ARHGEF4: variants seen among roughly 807,000 people sequenced by gnomAD.
ARHGEF4 encodes the protein Rho guanine nucleotide exchange factor 4.
A neutral mutation model predicts 162.0 loss-of-function variants in ARHGEF4; 119 were observed. That is an observed-to-expected ratio of 0.73 (90% confidence interval 0.63 to 0.86). The LOEUF (loss-of-function observed/expected upper bound fraction) is 0.86. Ranked by LOEUF, ARHGEF4 falls within the 40% of genes least tolerant of loss-of-function variation. The pLI is 0.00. For missense variants in ARHGEF4, 2,488 were observed against 2,456.0 expected (o/e 1.01, Z -0.28); for synonymous variants, 1,014 against 979.9 (o/e 1.03, Z -0.65).
intron 4 of ARHGEF4, among the ~76,000 whole-genome samples, chr2:130,998,821 G>C (rs780164190): frequency 3.9e-5 from 6 of 152,184 alleles, no homozygotes; most frequent in Non-Finnish European, 8.8e-5. Context: ...ACTCGTTTGG[G>C]TAAATACCAA....
chr2:131,035,117 G>A (rs1690151096), intron 5 of ARHGEF4: 51 of 1,145,868 alleles, frequency 4.5e-5, no homozygotes, highest in Non-Finnish European at 5.4e-5. Context: ...CAGCCCCGGC[G>A]CGGCCCCGCG....
intron 1 of ARHGEF4, among the ~76,000 whole-genome samples, chr2:130,846,082 GC>G (rs1468168127): frequency 6.6e-6 from 1 of 152,216 alleles, no homozygotes; most frequent in Admixed American, 6.5e-5. Flanking sequence ...CGGCCAGAAG[GC>G]AGCCATCTCT....
At chr2:130,898,178 C>G (rs1227815777) in intron 1 of ARHGEF4, among the ~76,000 whole-genome samples, 1 of 152,236 alleles carries the variant, frequency 6.6e-6, no homozygotes, top group Non-Finnish European at 1.5e-5. Context: ...GGCTAGAGCC[C>G]TCTCTGGGCA....
intron 1 of ARHGEF4, among the ~76,000 whole-genome samples, chr2:130,875,452 G>C (rs1041142520): frequency 6.6e-6 from 1 of 152,170 alleles, no homozygotes; most frequent in Non-Finnish European, 1.5e-5. Context: ...AGCCACGTCT[G>C]CTTGGCTTCA....
chr2:130,889,052 C>T (rs181397725), intron 1 of ARHGEF4, among the ~76,000 whole-genome samples: 8 of 150,440 alleles, frequency 5.3e-5, no homozygotes, highest in African/African-American at 9.8e-5. Flanking sequence ...TTGCAGTGAG[C>T]GGAGATCATG....
intron 3 of ARHGEF4, 36 bp downstream of exon 3, chr2:130,931,293 T>A: frequency 6.5e-7 from 1 of 1,548,916 alleles, no homozygotes; most frequent in Non-Finnish European, 8.7e-7. Context: ...TCAGACTTGG[T>A]CTGGTATCCC....
chr2:130,938,367 G>T (rs1454530799), intron 3 of ARHGEF4, among the ~76,000 whole-genome samples: 1 of 152,160 alleles, frequency 6.6e-6, no homozygotes. Context: ...TACCATAATA[G>T]TAATAGTGGT....
intron 4 of ARHGEF4, among the ~76,000 whole-genome samples, chr2:130,989,123 G>A (rs1250249448): frequency 5.3e-5 from 8 of 151,898 alleles, no homozygotes; most frequent in African/African-American, 1.5e-4. Flanking sequence ...CACCATGCAC[G>A]GCTAATTTTG....
At chr2:130,961,425 T>A (rs1433886977) in intron 4 of ARHGEF4, among the ~76,000 whole-genome samples, 6 of 151,942 alleles carry the variant, frequency 3.9e-5, no homozygotes, top group Non-Finnish European at 5.9e-5. Flanking sequence ...AAAGGGACAG[T>A]AAGTGCCAGG....
chr2:130,907,257 G>GCCA (rs372661698), intron 1 of ARHGEF4, among the ~76,000 whole-genome samples: 124,687 of 136,674 alleles, frequency 0.91, 57,399 homozygotes, highest in East Asian at 1. Context: ...CTGGAGACTG[G>GCCA]AGGCTGGAGT....
At chr2:131,045,845 C>G in intron 13 of ARHGEF4, 193 bp from the exon 14 acceptor site, 6 of 1,460,032 alleles carry the variant, frequency 4.1e-6, no homozygotes, top group South Asian at 1.4e-5. Context: ...GAGGCCAGGC[C>G]CAGGCCAGAG....
intron 4 of ARHGEF4, among the ~76,000 whole-genome samples, chr2:130,981,487 C>T (rs1686113750): frequency 6.6e-6 from 1 of 151,838 alleles, no homozygotes; most frequent in Admixed American, 6.6e-5. Context: ...GGTGAAACCC[C>T]GTTTCTACAA....
intron 1 of ARHGEF4, among the ~76,000 whole-genome samples, chr2:130,891,082 C>T (rs1425811243): frequency 6.6e-6 from 1 of 152,124 alleles, no homozygotes; most frequent in Non-Finnish European, 1.5e-5. Flanking sequence ...ACAATGTAGA[C>T]AAGAGGCAGA....
chr2:130,963,367 G>A (rs981947738), intron 4 of ARHGEF4, among the ~76,000 whole-genome samples: 1 of 151,614 alleles, frequency 6.6e-6, no homozygotes, highest in Non-Finnish European at 1.5e-5. Context: ...ACGCCTGCCC[G>A]CCGGGTCTCT....
At chr2:130,936,314 G>A (rs1250955689) in intron 3 of ARHGEF4, among the ~76,000 whole-genome samples, 3 of 152,170 alleles carry the variant, frequency 2.0e-5, no homozygotes, top group African/African-American at 7.2e-5. Context: ...TTTCTCACAT[G>A]ATTTCTGTCG....
chr2:130,904,304 A>G (rs903290626), intron 1 of ARHGEF4, among the ~76,000 whole-genome samples: 1 of 152,002 alleles, frequency 6.6e-6, no homozygotes, highest in African/African-American at 2.4e-5. Context: ...TGATATGAGG[A>G]GTAATTTTTT....
chr2:130,898,152 CACAAAGATG>C (rs1680269726), intron 1 of ARHGEF4, among the ~76,000 whole-genome samples: 1 of 152,234 alleles, frequency 6.6e-6, no homozygotes, highest in South Asian at 2.1e-4. Context: ...GTGCCTTGAG[CACAAAGATG>C]CCCCCAGGCT....
At chr2:131,001,844 A>G (rs758686322) in intron 4 of ARHGEF4, among the ~76,000 whole-genome samples, 5 of 152,224 alleles carry the variant, frequency 3.3e-5, no homozygotes, top group Non-Finnish European at 7.3e-5. Context: ...GTAAGATTAT[A>G]GAAAATGCAT....
intron 3 of ARHGEF4, among the ~76,000 whole-genome samples, chr2:130,935,091 T>C (rs949393424): frequency 6.6e-6 from 1 of 152,160 alleles, no homozygotes; most frequent in African/African-American, 2.4e-5. Flanking sequence ...TCATAGAATC[T>C]GTTTTTGGTT....
Sources: gnomAD v4.1 joint callset for allele counts (sites outside exome capture counted in the v4.1 genomes callset) on GRCh38, gnomAD v4.1.1 for gene constraint, MANE v1.5 for transcripts, NCBI Gene and HGNC (gene_info 2026-07-23, HGNC 2026-07-21) for gene names.